The following RAG1 variants were observed in gnomAD, a reference collection of about 807,000 sequenced individuals.
RAG1 encodes recombination activating 1.
A neutral mutation model predicts 62.7 loss-of-function variants in RAG1; 35 were observed. The observed-to-expected ratio is 0.56, with a 90% CI of 0.43 to 0.74. The LOEUF (loss-of-function observed/expected upper bound fraction) is 0.74. Among genes scored for constraint, RAG1 ranks in the 30% least tolerant of loss-of-function variants. The probability of loss-of-function intolerance (pLI) is 0.00; values close to 1 mark genes in which losing one functional copy is unlikely to be tolerated. For missense variants in RAG1, 1,169 were observed against 1,278.6 expected (o/e 0.91, Z 1.31); for synonymous variants, 461 against 470.3 (o/e 0.98, Z 0.26).
At chr11:36,522,473 T>C (rs1226009635) in intron 2 of RAG1, among the ~76,000 whole-genome samples, 2 of 152,166 alleles carry the variant, frequency 1.3e-5, no homozygotes, top group Non-Finnish European at 2.9e-5. Context: ...CAGAAAGATG[T>C]ATGGAAACGC....
At chr11:36,541,646 G>A (rs910624679) in intron 3 of RAG1, among the ~76,000 whole-genome samples, 5 of 152,060 alleles carry the variant, frequency 3.3e-5, no homozygotes, top group African/African-American at 4.8e-5. Flanking sequence ...TTGGATAGCC[G>A]ATGCCTGCTT....
Position 36,576,384 on chromosome 11 carries a change from A to G in RAG1, c.3080A>G (p.Asp1027Gly). The change falls in exon 2 of 2, where the codon GAC (aspartate) becomes GGC (glycine). Residue 1027 changes from aspartate to glycine, a missense_variant. By Grantham distance (94) the Asp-to-Gly change is moderately conservative (BLOSUM62 -1). Transcript: ENST00000299440. ...FTMNPQASLG[D>G]PLGIEDSLES... ...ATGAACCCTCAGGCAAGCTTAGGGG[A>G]CCCATTAGGCATAGAGGACTCTCTG... The G allele has an allele frequency of 6.2e-7, 1 of 1,614,128 alleles. No homozygotes were observed. Among genetic ancestry groups the G allele is most frequent in the South Asian group, 1.1e-5 (1 of 91,080 alleles).
chr11:36,517,962 A>G (rs1298780461), intron 1 of RAG1, among the ~76,000 whole-genome samples: 2 of 148,230 alleles, frequency 1.3e-5, no homozygotes, highest in Non-Finnish European at 3.0e-5. Flanking sequence ...AGCATTAGGT[A>G]TATCTCCTAA....
At chr11:36,566,188 T>C (rs1175176447), upstream of RAG1, among the ~76,000 whole-genome samples, 1 of 152,146 alleles carries the variant, frequency 6.6e-6, no homozygotes, top group East Asian at 1.9e-4. Flanking sequence ...CCAAGAAAAA[T>C]TGAAAAGGAT....
Position 36,574,754 on chromosome 11 carries a change from T to C in RAG1, c.1450T>C (p.Tyr484His), listed in dbSNP as rs780233608. The change falls in exon 2 of 2, where the codon TAC becomes CAC. Residue 484 changes from tyrosine (Y) to histidine (H), a missense_variant. This residue lies in a region of RAG1 where 800 missense variants were observed against 943.3 expected (regional missense o/e 0.85). Coordinates refer to ENST00000299440, the MANE Select transcript of RAG1 (RefSeq NM_000448.3). ...RVNTFLSCSQ[Y>H]HKMYRTVKAI... ...CAACACCTTCCTCAGCTGCAGTCAG[T>C]ACCACAAGATGTACAGGACTGTGAA... 3.1e-6 allele frequency: 5 copies of C among 1,614,216 alleles called. No homozygotes were observed. Among genetic ancestry groups the C allele is most frequent in the Non-Finnish European group, 4.2e-6 (5 of 1,180,044 alleles).
At chr11:36,547,203 A>G (rs909270444) in intron 3 of RAG1, among the ~76,000 whole-genome samples, 1 of 152,176 alleles carries the variant, frequency 6.6e-6, no homozygotes, top group Admixed American at 6.5e-5. Flanking sequence ...ACACCCTAGC[A>G]TCATAATAAA....
intron 2 of RAG1, among the ~76,000 whole-genome samples, chr11:36,525,270 C>G (rs992102857): frequency 3.9e-5 from 6 of 152,128 alleles, no homozygotes; most frequent in Non-Finnish European, 4.4e-5. Context: ...GTCTATCCCT[C>G]CACCAATGCT....
chr11:36,513,025 A>G (rs1218613825), intron 1 of RAG1, among the ~76,000 whole-genome samples: 1 of 152,180 alleles, frequency 6.6e-6, no homozygotes, highest in Non-Finnish European at 1.5e-5. Flanking sequence ...CTCTTCATGA[A>G]TGGATCAATG....
chr11:36,528,712 G>GTT (rs201031906), intron 2 of RAG1, among the ~76,000 whole-genome samples: 3 of 151,698 alleles, frequency 2.0e-5, no homozygotes, highest in African/African-American at 7.3e-5. Context: ...TCCAGGAGAT[G>GTT]TTTTTTTTGA....
chr11:36,576,306 A>G lies in RAG1; in HGVS notation c.3002A>G (p.Tyr1001Cys), dbSNP rs750549620. The G allele has an allele frequency of 1.2e-5, 20 of 1,613,738 alleles. No individual in the cohort carries two copies. The highest frequency in any genetic ancestry group is 1.7e-5 in the Non-Finnish European group (20 of 1,180,008). ...CACCACTGGTTGTACACCTCCAAAT[A>G]CCTCCAGAAGTTTATGAATGCTCAT... ...LKHHWLYTSKYLQKFMNAHNA... is the reference protein window; with the variant it reads ...LKHHWLYTSKCLQKFMNAHNA... Residue 1001 changes from tyrosine to cysteine, a missense_variant, in exon 2 of 2, where the codon TAC becomes TGC. Transcript: ENST00000299440.
chr11:36,558,600 G>T (rs1850536790), intron 3 of RAG1, among the ~76,000 whole-genome samples: 2 of 152,020 alleles, frequency 1.3e-5, no homozygotes, highest in Admixed American at 6.6e-5. Context: ...CTTACTTTTG[G>T]TTTCCATTTG....
chr11:36,573,504 A>G lies in RAG1; in HGVS notation c.200A>G (p.Asp67Gly). The change falls in exon 2 of 2, where the codon GAC becomes GGC. Residue 67 changes from aspartate to glycine, a missense_variant. Asp to Gly is a moderately conservative substitution (Grantham distance 94). Transcript: ENST00000299440. ...CTGGAGCAATCTCCAGCAGTCCTGG[A>G]CAAGGCTGATGGTCAGAAGCCAGTC... The part of the protein sequence containing the change: ...PSLEQSPAVL[D>G]KADGQKPVPT... 6.2e-7 allele frequency: 1 copy of G among 1,614,168 alleles called. No homozygotes were observed. Among genetic ancestry groups the G allele is most frequent in the Non-Finnish European group, 8.5e-7 (1 of 1,180,028 alleles).
At position 36,573,740 on chromosome 11, in the gene RAG1, A is replaced by C; in HGVS notation, c.436A>C (p.Lys146Gln). ...CCTAGGCCTTTTACGAAAGAAGGAA[A>C]AGAGAGCTACTTCCTGGCCGGACCT... The part of the protein sequence containing the change: ...KTLGLLRKKE[K>Q]RATSWPDLIA... Residue 146 changes from lysine to glutamine, a missense_variant, in exon 2 of 2, where the codon AAG (lysine) becomes CAG (glutamine). Physicochemically the swap from Lys to Gln is moderately conservative, Grantham distance 53 (BLOSUM62 1). Coordinates refer to ENST00000299440, the MANE Select transcript of RAG1 (RefSeq NM_000448.3). The C allele has an allele frequency of 6.2e-7, 1 of 1,614,068 alleles. No individual in the cohort carries two copies. Among genetic ancestry groups the C allele is most frequent in the Non-Finnish European group, 8.5e-7 (1 of 1,180,024 alleles).
intron 2 of RAG1, among the ~76,000 whole-genome samples, chr11:36,529,294 C>T (rs201718051): frequency 6.6e-6 from 1 of 152,226 alleles, no homozygotes; most frequent in East Asian, 1.9e-4. Context: ...CTTTATCCAC[C>T]ATGATCAAGT....
intron 1 of RAG1, among the ~76,000 whole-genome samples, chr11:36,515,004 G>A (rs1024460541): frequency 2.6e-5 from 4 of 152,160 alleles, no homozygotes; most frequent in Non-Finnish European, 5.9e-5. Context: ...TTGAGGCAGG[G>A]AGAAGGAACT....
In RAG1 at chr11:36,575,228, A is replaced by C. The variant is rs544726387; in HGVS notation, c.1924A>C (p.Lys642Gln). 7.4e-6 allele frequency: 12 copies of C among 1,614,214 alleles called. No individual in the cohort carries two copies. The highest frequency in any genetic ancestry group is 6.7e-5 in the African/African-American group (5 of 75,060). ...TATTGCCCACAGCTCTCAGAATGTG[A>C]AAGTATTTGAAGAAGCCAAACCTAA... ...ITIAHSSQNV[K>Q]VFEEAKPNSE... The change falls in exon 2 of 2, where the codon AAA becomes CAA. Residue 642 changes from lysine (K) to glutamine (Q), a missense_variant. By Grantham distance (53) the Lys-to-Gln change is moderately conservative. Transcript: ENST00000299440. This position sits in a 1 kb window ranked among gnomAD's most constrained non-coding sequence, Gnocchi z 4.1.
At chr11:36,535,197 A>G (rs1444486806) in intron 2 of RAG1, among the ~76,000 whole-genome samples, 4 of 150,314 alleles carry the variant, frequency 2.7e-5, no homozygotes, top group Non-Finnish European at 4.4e-5. Flanking sequence ...AAGTTCAACA[A>G]TTCCATGGAT....
intron 2 of RAG1, among the ~76,000 whole-genome samples, chr11:36,525,794 GT>G (rs1048162302): frequency 1.3e-5 from 2 of 152,018 alleles, no homozygotes; most frequent in African/African-American, 2.4e-5. Flanking sequence ...TTCTAGGAGG[GT>G]TTTTTTGTGA....
At chr11:36,510,938 T>G (rs5030416) in exon 1 of RAG1, 21,719 of 152,216 alleles carry the variant, frequency 0.14, 1,609 homozygotes, top group Admixed American at 0.2. Context: ...ATCGTCCACC[T>G]CTTAGGGGAG....
Sources: gnomAD v4.1 joint callset for allele counts (sites outside exome capture counted in the v4.1 genomes callset) on GRCh38, gnomAD v4.1.1 for gene constraint, gnomAD v4.1.1 regional missense constraint, Gnocchi (gnomAD v3.1) non-coding constraint, MANE v1.5 for transcripts, NCBI Gene and HGNC (gene_info 2026-07-23, HGNC 2026-07-21) for gene names.